QTMAN: variants seen among roughly 807,000 people sequenced by gnomAD.
The protein encoded by QTMAN is tRNA-queuosine alpha-mannosyltransferase.
the QTMAN span, among the ~76,000 whole-genome samples, chr2:144,033,549 C>CAAAA: frequency 6.6e-6 from 1 of 152,160 alleles, no homozygotes. Flanking sequence ...AAACCCTGTC[C>CAAAA]TTTTGGGTTT....
At chr2:144,096,717 GCAAT>G in the QTMAN span, among the ~76,000 whole-genome samples, 1 of 152,238 alleles carries the variant, frequency 6.6e-6, no homozygotes, top group Non-Finnish European at 1.5e-5. Flanking sequence ...CTATGTGCAA[GCAAT>G]CAAAGTGCTC....
the QTMAN span, among the ~76,000 whole-genome samples, chr2:144,187,183 C>G: frequency 6.6e-6 from 1 of 152,086 alleles, no homozygotes; most frequent in East Asian, 1.9e-4. Context: ...TAACAGAATA[C>G]CTGAGACTGA....
At chr2:144,157,312 C>T in the QTMAN span, among the ~76,000 whole-genome samples, 2 of 151,934 alleles carry the variant, frequency 1.3e-5, no homozygotes, top group African/African-American at 4.8e-5. Flanking sequence ...ATTTGAGGGT[C>T]ACATGTCTGA....
the QTMAN span, among the ~76,000 whole-genome samples, chr2:143,976,479 A>G: frequency 6.6e-6 from 1 of 152,212 alleles, no homozygotes; most frequent in Non-Finnish European, 1.5e-5. Context: ...CTCCTTATTC[A>G]AAAACATGAG....
chr2:144,112,221 G>A, the QTMAN span, among the ~76,000 whole-genome samples: 1 of 152,164 alleles, frequency 6.6e-6, no homozygotes, highest in Non-Finnish European at 1.5e-5. Flanking sequence ...AGTACCAAGA[G>A]CTCCAACTAC....
At chr2:144,253,537 T>A in the QTMAN span, among the ~76,000 whole-genome samples, 1 of 152,140 alleles carries the variant, frequency 6.6e-6, no homozygotes, top group Non-Finnish European at 1.5e-5. Context: ...CAGGTTGAGG[T>A]GGTCTCAGAT....
At chr2:144,311,652 C>A in the QTMAN span, among the ~76,000 whole-genome samples, 1,731 of 152,308 alleles carry the variant, frequency 0.011, 17 homozygotes, top group Non-Finnish European at 0.019. Flanking sequence ...TGCCAGAATG[C>A]CTCTCTTCCT....
At chr2:144,160,261 G>A in the QTMAN span, among the ~76,000 whole-genome samples, 3 of 152,084 alleles carry the variant, frequency 2.0e-5, no homozygotes, top group Non-Finnish European at 4.4e-5. Flanking sequence ...TAAATCTTAA[G>A]TTTAAGGTGT....
chr2:144,257,769 G>GT, the QTMAN span, among the ~76,000 whole-genome samples: 2 of 152,018 alleles, frequency 1.3e-5, no homozygotes, highest in Non-Finnish European at 2.9e-5. Context: ...TCAAAAATGA[G>GT]TAACAACCAG....
chr2:144,046,664 T>G, the QTMAN span, among the ~76,000 whole-genome samples: 3 of 152,350 alleles, frequency 2.0e-5, no homozygotes, highest in East Asian at 5.8e-4. Flanking sequence ...CAGTATGATT[T>G]TAAGAAGTCA....
At chr2:144,210,216 A>C in the QTMAN span, among the ~76,000 whole-genome samples, 1 of 152,292 alleles carries the variant, frequency 6.6e-6, no homozygotes, top group East Asian at 1.9e-4. Flanking sequence ...GACCTTGGAC[A>C]AGTTACCTAA....
chr2:144,302,259 A>G, the QTMAN span, among the ~76,000 whole-genome samples: 1 of 151,638 alleles, frequency 6.6e-6, no homozygotes, highest in African/African-American at 2.4e-5. Context: ...ATACATATAT[A>G]TACTCACACA....
At chr2:144,185,808 GAGAAA>G in the QTMAN span, among the ~76,000 whole-genome samples, 3 of 152,120 alleles carry the variant, frequency 2.0e-5, no homozygotes, top group African/African-American at 7.2e-5. Context: ...AAGTCTGTAG[GAGAAA>G]AGAAGTTAGA....
chr2:144,000,000 A>C, the QTMAN span, among the ~76,000 whole-genome samples: 1,560 of 152,188 alleles, frequency 0.01, 30 homozygotes, highest in African/African-American at 0.035. Context: ...GGCAATGAGA[A>C]ACTAAATGTT....
At chr2:143,977,804 G>A in the QTMAN span, among the ~76,000 whole-genome samples, 1 of 152,102 alleles carries the variant, frequency 6.6e-6, no homozygotes, top group South Asian at 2.1e-4. Context: ...CATGCCATCT[G>A]CACATTCATA....
At chr2:144,025,406 T>G in the QTMAN span, among the ~76,000 whole-genome samples, 2 of 152,238 alleles carry the variant, frequency 1.3e-5, no homozygotes, top group African/African-American at 4.8e-5. Flanking sequence ...CTGACCAAAG[T>G]TGTCAACATG....
chr2:144,195,888 T>C, the QTMAN span, among the ~76,000 whole-genome samples: 3 of 152,122 alleles, frequency 2.0e-5, no homozygotes, highest in South Asian at 6.2e-4. Flanking sequence ...AAAATCACTC[T>C]TTATAAACTT....
chr2:144,188,969 C>T, the QTMAN span, among the ~76,000 whole-genome samples: 2 of 151,944 alleles, frequency 1.3e-5, no homozygotes, highest in South Asian at 2.1e-4. Flanking sequence ...AGGAAATAGC[C>T]GGCAAGTAAA....
chr2:144,007,372 C>G, the QTMAN span: 1 of 1,613,324 alleles, frequency 6.2e-7, no homozygotes, highest in East Asian at 2.2e-5. Flanking sequence ...CGTGCAGTAT[C>G]AAGGCCACAG....
Sources: allele counts gnomAD v4.1 joint callset (sites outside exome capture counted in the v4.1 genomes callset), GRCh38; gene constraint gnomAD v4.1.1; transcripts MANE v1.5; gene names NCBI Gene and HGNC (gene_info 2026-07-23, HGNC 2026-07-21).